Variants in SDK1 observed in about 807,000 individuals in gnomAD.
The protein encoded by SDK1 is sidekick cell adhesion molecule 1.
A neutral mutation model predicts 245.5 loss-of-function variants in SDK1; 157 were observed. The observed-to-expected ratio is 0.64, with a 90% CI of 0.56 to 0.73. The LOEUF (loss-of-function observed/expected upper bound fraction) is 0.73, where lower values mean the gene tolerates loss of function less well. Ranked by LOEUF, SDK1 falls within the 30% of genes least tolerant of loss-of-function variation. The pLI is 0.00. For missense variants in SDK1, 3,583 were observed against 3,002.3 expected (o/e 1.19, Z -4.52); for synonymous variants, 1,647 against 1,278.5 (o/e 1.29, Z -6.15).
chr7:3,507,952 C>G (rs755366592), intron 1 of SDK1, among the ~76,000 whole-genome samples: 1 of 152,126 alleles, frequency 6.6e-6, no homozygotes, highest in African/African-American at 2.4e-5. Context: ...TCACTTGATT[C>G]CTGGTGGCAT....
chr7:4,091,395 T>A (rs1283503094), intron 22 of SDK1, among the ~76,000 whole-genome samples: 6 of 139,516 alleles, frequency 4.3e-5, no homozygotes, highest in Non-Finnish European at 9.0e-5. Context: ...CAGGCTGGAG[T>A]GCAGCATCAG....
intron 1 of SDK1, among the ~76,000 whole-genome samples, chr7:3,306,642 G>A (rs1177775521): frequency 2.0e-5 from 3 of 152,190 alleles, no homozygotes; most frequent in Non-Finnish European, 4.4e-5. Flanking sequence ...CAACGTGGAA[G>A]GCTGCAAGTT....
chr7:3,312,504 A>T (rs1779573730), intron 1 of SDK1, among the ~76,000 whole-genome samples: 1 of 152,220 alleles, frequency 6.6e-6, no homozygotes, highest in African/African-American at 2.4e-5. Flanking sequence ...CAGATTAGAA[A>T]AATAACATGG....
At chr7:3,861,052 G>A (rs1234813075) in intron 5 of SDK1, among the ~76,000 whole-genome samples, 2 of 152,124 alleles carry the variant, frequency 1.3e-5, no homozygotes, top group African/African-American at 4.8e-5. Context: ...CTTTTAGGCC[G>A]ACACGATTAT....
chr7:3,682,550 C>T (rs79113743), intron 4 of SDK1, among the ~76,000 whole-genome samples: 2 of 152,276 alleles, frequency 1.3e-5, no homozygotes, highest in African/African-American at 4.8e-5. Flanking sequence ...CAGTGCTGAG[C>T]CCCCATGCAT....
chr7:3,908,235 C>T (rs1024278711), intron 5 of SDK1, among the ~76,000 whole-genome samples: 55 of 152,250 alleles, frequency 3.6e-4, no homozygotes, highest in Middle Eastern at 3.4e-3. Context: ...GCTCACTTTG[C>T]GCGTTGGGCT....
chr7:3,321,869 C>T (rs918779441), intron 1 of SDK1, among the ~76,000 whole-genome samples: 7 of 145,720 alleles, frequency 4.8e-5, no homozygotes, highest in African/African-American at 1.3e-4. Context: ...CTCTTTGTTT[C>T]CATTGTAAAC....
At chr7:3,932,078 C>A (rs992343568) in intron 5 of SDK1, among the ~76,000 whole-genome samples, 1 of 152,130 alleles carries the variant, frequency 6.6e-6, no homozygotes, top group African/African-American at 2.4e-5. Flanking sequence ...TTAATAGGCC[C>A]ACACTGACCA....
At chr7:4,013,482 G>A (rs1786148976) in intron 16 of SDK1, among the ~76,000 whole-genome samples, 1 of 152,198 alleles carries the variant, frequency 6.6e-6, no homozygotes, top group African/African-American at 2.4e-5. Context: ...GTAAACAGTG[G>A]CTAACAAAGG....
intron 38 of SDK1, among the ~76,000 whole-genome samples, chr7:4,215,684 C>A (rs192776974): frequency 6.6e-6 from 1 of 152,194 alleles, no homozygotes; most frequent in South Asian, 2.1e-4. Context: ...TGGTTTTGAG[C>A]CACTCGGTTT....
intron 1 of SDK1, among the ~76,000 whole-genome samples, chr7:3,515,136 C>CT (rs746832268): frequency 6.6e-6 from 1 of 152,026 alleles, no homozygotes. Context: ...GAGACAAGAC[C>CT]TGGAGGTGCA....
At chr7:3,959,256 G>A (rs2128128519) in intron 8 of SDK1, among the ~76,000 whole-genome samples, 1 of 152,218 alleles carries the variant, frequency 6.6e-6, no homozygotes, top group African/African-American at 2.4e-5. Context: ...CAAAAAGGAA[G>A]CCCACATCTA....
intron 1 of SDK1, among the ~76,000 whole-genome samples, chr7:3,574,638 A>G (rs1780227607): frequency 6.6e-6 from 1 of 152,066 alleles, no homozygotes; most frequent in Admixed American, 6.6e-5. Flanking sequence ...CCCAGTCCGC[A>G]TCATTCCCCT....
At chr7:3,800,666 G>C (rs1473714314) in intron 4 of SDK1, among the ~76,000 whole-genome samples, 1 of 152,044 alleles carries the variant, frequency 6.6e-6, no homozygotes, top group Non-Finnish European at 1.5e-5. Context: ...TGCCTCGCTC[G>C]GCTGCCGTCT....
At position 4,205,002 on chromosome 7, in the gene SDK1, G is replaced by T. The variant is rs762945330; in HGVS notation, c.5099-877G>T. On this transcript the variant is annotated intron_variant, in intron 35 of 44. Transcript: ENST00000404826. The stretch of plus-strand genomic sequence containing the variant: ...GCGGCCACACCCCTAATGGCGGTGT[G>T]GTAAGGCGCGGAGGTGCGGCCGCAA... Among the ~76,000 whole-genome samples the T allele has an allele frequency of 8.3e-4, 127 of 152,248 alleles. 3 individuals carry two copies. The highest frequency in any genetic ancestry group is 1.4e-3 in the Admixed American group (22 of 15,298).
intron 44 of SDK1, among the ~76,000 whole-genome samples, chr7:4,261,638 C>T (rs79282649): frequency 0.068 from 10,351 of 152,214 alleles, 433 homozygotes; most frequent in African/African-American, 0.12. Flanking sequence ...CCCACAGAGT[C>T]AGGATAGCTG....
At chr7:3,858,478 A>G (rs1017414188) in intron 5 of SDK1, among the ~76,000 whole-genome samples, 1 of 152,188 alleles carries the variant, frequency 6.6e-6, no homozygotes, top group African/African-American at 2.4e-5. Context: ...GGAAAAAAAA[A>G]TCACAAGAAG....
intron 13 of SDK1, among the ~76,000 whole-genome samples, chr7:3,985,548 A>T (rs1783758089): frequency 6.6e-6 from 1 of 152,206 alleles, no homozygotes; most frequent in Non-Finnish European, 1.5e-5. Context: ...GCACTTCGAG[A>T]GGCCGAGGTT....
At chr7:3,875,089 G>C (rs1781042148) in intron 5 of SDK1, among the ~76,000 whole-genome samples, 1 of 152,210 alleles carries the variant, frequency 6.6e-6, no homozygotes, top group Non-Finnish European at 1.5e-5. Context: ...CAGACTTCTA[G>C]TTGAATCTTC....
Sources: gnomAD v4.1 joint callset for allele counts (sites outside exome capture counted in the v4.1 genomes callset) on GRCh38, gnomAD v4.1.1 for gene constraint, MANE v1.5 for transcripts, NCBI Gene and HGNC (gene_info 2026-07-23, HGNC 2026-07-21) for gene names.